Variants in SAMMSON observed in about 807,000 individuals in gnomAD.
The protein encoded by SAMMSON is long intergenic non-protein coding RNA 1212.
intron 4 of SAMMSON, among the ~76,000 whole-genome samples, chr3:70,245,245 A>C (rs140613264): frequency 0.02 from 3,032 of 152,264 alleles, 76 homozygotes; most frequent in Non-Finnish European, 0.026. Flanking sequence ...TTTCAAAAGA[A>C]GATGAGAATT....
intron 3 of SAMMSON, among the ~76,000 whole-genome samples, chr3:70,036,625 A>G (rs974290079): frequency 1.3e-5 from 2 of 152,184 alleles, no homozygotes; most frequent in Admixed American, 6.6e-5. Context: ...TAGGTCTGCT[A>G]TAGCCATGTG....
downstream of SAMMSON, among the ~76,000 whole-genome samples, chr3:70,394,076 G>C (rs1471979856): frequency 6.6e-6 from 1 of 152,142 alleles, no homozygotes; most frequent in South Asian, 2.1e-4. Flanking sequence ...AGGAACTGTT[G>C]AGAGCTCTTT....
At chr3:70,401,339 G>A (rs1173637949) in intron 2 of SAMMSON, among the ~76,000 whole-genome samples, 1 of 152,164 alleles carries the variant, frequency 6.6e-6, no homozygotes, top group Non-Finnish European at 1.5e-5. Context: ...TAACAAGGAT[G>A]AAGAAATTCT....
At chr3:70,381,995 C>A (rs1170787511) in intron 9 of SAMMSON, among the ~76,000 whole-genome samples, 2 of 152,010 alleles carry the variant, frequency 1.3e-5, no homozygotes, top group Admixed American at 6.6e-5. Context: ...GTGTAATACT[C>A]ATATTGTGAT....
At chr3:70,343,181 C>A (rs1294931093) in intron 7 of SAMMSON, among the ~76,000 whole-genome samples, 1 of 152,114 alleles carries the variant, frequency 6.6e-6, no homozygotes, top group Non-Finnish European at 1.5e-5. Flanking sequence ...CTATTAAAAT[C>A]TTACATTAAT....
chr3:70,058,802 G>T (rs1319650066), intron 3 of SAMMSON, among the ~76,000 whole-genome samples: 1 of 151,994 alleles, frequency 6.6e-6, no homozygotes. Context: ...AAAATAGATA[G>T]GTTCTATTCT....
At chr3:70,177,179 A>C (rs1348963524) in intron 4 of SAMMSON, among the ~76,000 whole-genome samples, 2 of 152,156 alleles carry the variant, frequency 1.3e-5, no homozygotes, top group Non-Finnish European at 2.9e-5. Flanking sequence ...TGTCTTTTTT[A>C]GGTTGTTTTG....
intron 3 of SAMMSON, among the ~76,000 whole-genome samples, chr3:70,041,649 CAA>C (rs2067106760): frequency 6.6e-6 from 1 of 151,828 alleles, no homozygotes; most frequent in African/African-American, 2.4e-5. Context: ...TAAAAAATAA[CAA>C]TACAACATAT....
At chr3:70,329,563 C>A (rs925927119) in intron 7 of SAMMSON, among the ~76,000 whole-genome samples, 3 of 151,632 alleles carry the variant, frequency 2.0e-5, no homozygotes, top group Non-Finnish European at 3.0e-5. Flanking sequence ...AAATGTAATT[C>A]CACACAGAAA....
intron 4 of SAMMSON, among the ~76,000 whole-genome samples, chr3:70,175,336 G>C (rs1010392102): frequency 6.6e-5 from 10 of 152,032 alleles, no homozygotes; most frequent in East Asian, 1.9e-4. Flanking sequence ...GATTGGGTCA[G>C]TTTAGGCATC....
intron 1 of SAMMSON, among the ~76,000 whole-genome samples, chr3:70,001,784 G>A (rs1164312813): frequency 6.6e-6 from 1 of 152,138 alleles, no homozygotes; most frequent in Non-Finnish European, 1.5e-5. Context: ...AGCAGATCCA[G>A]AGTTACTCAG....
At chr3:70,303,028 C>T (rs1175750893) in intron 7 of SAMMSON, among the ~76,000 whole-genome samples, 1 of 152,114 alleles carries the variant, frequency 6.6e-6, no homozygotes, top group Non-Finnish European at 1.5e-5. Flanking sequence ...ATCAGAGAAT[C>T]AAAATGATTT....
At chr3:70,391,134 A>G (rs1436414000), downstream of SAMMSON, among the ~76,000 whole-genome samples, 2 of 152,152 alleles carry the variant, frequency 1.3e-5, no homozygotes, top group African/African-American at 4.8e-5. Context: ...AGCTGAGACT[A>G]TATGCCCTAG....
At chr3:70,429,765 G>T (rs1392203470) in intron 2 of SAMMSON, among the ~76,000 whole-genome samples, 1 of 152,092 alleles carries the variant, frequency 6.6e-6, no homozygotes, top group Non-Finnish European at 1.5e-5. Context: ...TTGGCTCTCT[G>T]TCTACTACTG....
intron 4 of SAMMSON, among the ~76,000 whole-genome samples, chr3:70,147,638 T>G (rs1174292732): frequency 6.6e-6 from 1 of 152,068 alleles, no homozygotes; most frequent in East Asian, 1.9e-4. Flanking sequence ...ATCTCATACC[T>G]TATATAAACA....
chr3:70,428,679 T>A (rs949050902), intron 2 of SAMMSON, among the ~76,000 whole-genome samples: 1 of 152,174 alleles, frequency 6.6e-6, no homozygotes, highest in Admixed American at 6.6e-5. Context: ...CTCTAATTAG[T>A]GCAAATTATA....
intron 4 of SAMMSON, among the ~76,000 whole-genome samples, chr3:70,248,139 C>T (rs1403406742): frequency 6.6e-6 from 1 of 152,048 alleles, no homozygotes; most frequent in African/African-American, 2.4e-5. Flanking sequence ...ATATTATTCT[C>T]TGTCCTGAAG....
intron 3 of SAMMSON, among the ~76,000 whole-genome samples, chr3:70,046,423 G>T (rs183029228): frequency 2.6e-5 from 4 of 152,200 alleles, no homozygotes; most frequent in Admixed American, 2.6e-4. Context: ...GATTTTGGAA[G>T]ATTTGCAATG....
At chr3:70,115,834 C>G (rs1164374719) in intron 4 of SAMMSON, among the ~76,000 whole-genome samples, 1 of 152,062 alleles carries the variant, frequency 6.6e-6, no homozygotes, top group South Asian at 2.1e-4. Flanking sequence ...AAATAATATT[C>G]AAAAGAAATC....
Sources: gnomAD v4.1 joint callset for allele counts (sites outside exome capture counted in the v4.1 genomes callset) on GRCh38, gnomAD v4.1.1 for gene constraint, MANE v1.5 for transcripts, NCBI Gene and HGNC (gene_info 2026-07-23, HGNC 2026-07-21) for gene names.